The following TAOK1 variants were observed in gnomAD, a reference collection of about 807,000 sequenced individuals.
TAOK1 encodes the protein TAO kinase 1.
Under a neutral mutation model 138.3 loss-of-function variants are expected in TAOK1, and 21 were observed. That is an observed-to-expected ratio of 0.15 (90% confidence interval 0.11 to 0.22). TAOK1 has a LOEUF of 0.22. Ranked by LOEUF, TAOK1 falls within the 10% of genes least tolerant of loss-of-function variation. TAOK1 has a pLI of 1.00. For missense variants in TAOK1, 651 were observed against 1,227.7 expected (o/e 0.53, Z 7.02); for synonymous variants, 361 against 398.4 (o/e 0.91, Z 1.12).
chr17:29,395,103 G>C (rs1904554434), intron 1 of TAOK1, among the ~76,000 whole-genome samples: 2 of 151,828 alleles, frequency 1.3e-5, no homozygotes, highest in Admixed American at 6.6e-5. Flanking sequence ...AAATATTAGT[G>C]GGGCGTGATG....
rs2030687512 is a variant in TAOK1 at position 29,467,134 on chromosome 17, T to A, written c.133-11T>A. On this transcript the variant is annotated splice_polypyrimidine_tract_variant and intron_variant, in intron 2 of 19. Transcript: ENST00000261716. ...ATTTTTACAGTGCTTCTTTCTTTCT[T>A]TCTTCTTTAGGCACGAGATGTGCGT... The A allele has an allele frequency of 1.3e-6, 2 of 1,573,698 alleles. No homozygotes were observed. Among genetic ancestry groups the A allele is most frequent in the East Asian group, 4.5e-5 (2 of 44,470 alleles).
chr17:29,439,864 TA>T lies in TAOK1; in HGVS notation c.-94-11567del, dbSNP rs371960597. 7.1e-3 allele frequency among the ~76,000 whole-genome samples: 842 copies of T among 118,130 alleles called. 7 individuals carry two copies. The highest frequency in any genetic ancestry group is 0.018 in the Middle Eastern group (4 of 220). 77.5% of individuals were successfully genotyped at this position (118,130 alleles called of 152,430 possible). ...ACGTAGTGAAAAAGACTCTGTCTCC[TA>T]AAAAAAAAAAAAAAAAAAAAAAATT... is the stretch of plus-strand genomic sequence containing the variant. On this transcript the variant is annotated intron_variant, in intron 1 of 19. Transcript: ENST00000261716.
chr17:29,488,576 AAATAATAATAATAAT>A lies in TAOK1; in HGVS notation c.656-1069_656-1055del, dbSNP rs150004739. Among the ~76,000 whole-genome samples the A allele has an allele frequency of 4.2e-4, 61 of 145,474 alleles. 1 individual carries two copies. The South Asian group carries it at 0.013, about 31-fold the overall frequency. On this transcript the variant is annotated intron_variant, in intron 8 of 19. Coordinates refer to ENST00000261716, the MANE Select transcript of TAOK1 (RefSeq NM_020791.4). ...AACAAGAGTGAAACCACATCTCAAA[AAATAATAATAATAAT>A]AATAATAATAATAATAATTGTTAAT...
chr17:29,406,339 A>T (rs1490772271), intron 1 of TAOK1, among the ~76,000 whole-genome samples: 2 of 151,982 alleles, frequency 1.3e-5, no homozygotes, highest in African/African-American at 4.8e-5. Flanking sequence ...CTCCTGAGGG[A>T]GTGAGATTTT....
At chr17:29,519,594 TGA>T (rs1335807027) in intron 16 of TAOK1, among the ~76,000 whole-genome samples, 1 of 152,194 alleles carries the variant, frequency 6.6e-6, no homozygotes, top group East Asian at 1.9e-4. Flanking sequence ...AATTTATTTC[TGA>T]GAGTGGGTTG....
At chr17:29,418,046 C>T (rs1353066956) in intron 1 of TAOK1, among the ~76,000 whole-genome samples, 1 of 152,106 alleles carries the variant, frequency 6.6e-6, no homozygotes, top group African/African-American at 2.4e-5. Flanking sequence ...CACCACCACA[C>T]CCAGCTAATT....
At chr17:29,529,064 T>G (rs1250202886) in intron 17 of TAOK1, among the ~76,000 whole-genome samples, 4 of 151,408 alleles carry the variant, frequency 2.6e-5, no homozygotes, top group Non-Finnish European at 5.9e-5. Context: ...CTTGAACTCC[T>G]GGGCTCAAGT....
At chr17:29,519,697 G>A (rs1331860102) in intron 16 of TAOK1, among the ~76,000 whole-genome samples, 8 of 152,000 alleles carry the variant, frequency 5.3e-5, no homozygotes, top group African/African-American at 1.9e-4. Context: ...AAATGTAAAA[G>A]ATACAATCAA....
chr17:29,397,646 ATATGTATATT>A, intron 1 of TAOK1, among the ~76,000 whole-genome samples: 1 of 142,624 alleles, frequency 7.0e-6, no homozygotes, highest in Admixed American at 7.0e-5. Flanking sequence ...ATACATGTAT[ATATGTATATT>A]CATGTATGAT....
At position 29,461,727 on chromosome 17, in the gene TAOK1, T is replaced by C. The variant is rs1856040122; in HGVS notation, c.133-5418T>C. On this transcript the variant is annotated intron_variant, in intron 2 of 19. Transcript: ENST00000261716. ...CTTTGTCATATGTTTGACAGATTTG[T>C]GTAATGAAATGTAGAGAGCGAAATT... Among the ~76,000 whole-genome samples the C allele has an allele frequency of 2.0e-5, 3 of 151,740 alleles. No homozygotes were observed. The South Asian group carries it at 6.2e-4, about 32-fold the overall frequency.
chr17:29,440,739 C>G (rs1204570456), intron 1 of TAOK1, among the ~76,000 whole-genome samples: 1 of 152,080 alleles, frequency 6.6e-6, no homozygotes, highest in Admixed American at 6.6e-5. Context: ...CCTCACCCTG[C>G]TAATTTTTGA....
intron 1 of TAOK1, among the ~76,000 whole-genome samples, chr17:29,443,886 G>A (rs2030009730): frequency 6.6e-6 from 1 of 151,924 alleles, no homozygotes; most frequent in Non-Finnish European, 1.5e-5. Flanking sequence ...AGGCCGAAGC[G>A]GGCAGATTAC....
chr17:29,447,340 T>C (rs73276515), intron 1 of TAOK1, among the ~76,000 whole-genome samples: 1 of 152,276 alleles, frequency 6.6e-6, no homozygotes, highest in African/African-American at 2.4e-5. Context: ...TAAAAGTTTA[T>C]CTTATTATTT....
At chr17:29,401,252 C>T (rs1361348607) in intron 1 of TAOK1, among the ~76,000 whole-genome samples, 2 of 151,990 alleles carry the variant, frequency 1.3e-5, no homozygotes, top group Non-Finnish European at 2.9e-5. Flanking sequence ...TACCCAGTTA[C>T]ACTGTTATAA....
intron 7 of TAOK1, among the ~76,000 whole-genome samples, chr17:29,481,875 G>A (rs1347076259): frequency 3.3e-5 from 5 of 152,118 alleles, no homozygotes; most frequent in Non-Finnish European, 7.4e-5. Context: ...CAGGAGAATG[G>A]CGTGAACCCG....
Position 29,550,943 on chromosome 17 carries a change from T to C in TAOK1, c.*7921T>C, listed in dbSNP as rs1044919058. 2.0e-5 allele frequency: 3 copies of C among 152,616 alleles called. No homozygotes were observed. Among genetic ancestry groups the C allele is most frequent in the East Asian group, 3.8e-4 (2 of 5,206 alleles). The allele number at this position is 152,616 out of a possible 1,614,324, so 9.5% of individuals were successfully genotyped here. A position where few individuals can be genotyped will look rare whatever the true frequency, so the allele number is the denominator to read the frequency against. On this transcript the variant is annotated 3_prime_UTR_variant, in exon 20 of 20. Coordinates refer to ENST00000261716, the MANE Select transcript of TAOK1 (RefSeq NM_020791.4). ...TTGTGCAAATGCCAGGGTTGGTTTT[T>C]ATTTTTATTTTTGCTATTTACCTAA...
At chr17:29,465,139 T>TC (rs2030630679) in intron 2 of TAOK1, among the ~76,000 whole-genome samples, 1 of 126,022 alleles carries the variant, frequency 7.9e-6, no homozygotes, top group Non-Finnish European at 1.7e-5. Flanking sequence ...TTTTTTTTTT[T>TC]TTTTTTTTTT....
chr17:29,542,882 C>T lies in TAOK1; in HGVS notation c.2866C>T (p.Arg956Ter), dbSNP rs1165032002. Reference sequence around the variant, plus strand: ...TTCAGGGCCAATGCAAGGGGTACCTCGAGGTAGCAGTATGGGAGTCCGCAA... The same window carrying T: ...TTCAGGGCCAATGCAAGGGGTACCTTGAGGTAGCAGTATGGGAGTCCGCAA... ...HPSGPMQGVP[R>*]GSSMGVRNSP... Residue 956 changes from arginine (R) to a stop codon, truncating the protein, a stop_gained, in exon 20 of 20, where the codon CGA becomes TGA. Coordinates refer to ENST00000261716, the MANE Select transcript of TAOK1 (RefSeq NM_020791.4). LOFTEE classifies it high-confidence loss of function. 6.2e-7 allele frequency: 1 copy of T among 1,613,996 alleles called. No homozygotes were observed. The highest frequency in any genetic ancestry group is 8.5e-7 in the Non-Finnish European group (1 of 1,179,966).
chr17:29,496,551 A>G (rs1334292765), intron 11 of TAOK1, among the ~76,000 whole-genome samples: 1 of 150,832 alleles, frequency 6.6e-6, no homozygotes, highest in South Asian at 2.1e-4. Flanking sequence ...TGTGTCACCA[A>G]AGAAACTTGA....
Sources: allele counts gnomAD v4.1 joint callset (sites outside exome capture counted in the v4.1 genomes callset), GRCh38; gene constraint gnomAD v4.1.1; transcripts MANE v1.5; gene names NCBI Gene and HGNC (gene_info 2026-07-23, HGNC 2026-07-21).